MRE11: variants seen among roughly 807,000 people sequenced by gnomAD.
The protein encoded by MRE11 is MRE11 double strand break repair nuclease.
MRE11 carries 62 observed loss-of-function variants against 91.7 expected under a neutral mutation model. That is an observed-to-expected ratio of 0.68 (90% CI 0.55 to 0.84). The LOEUF (loss-of-function observed/expected upper bound fraction) is 0.84. Among genes scored for constraint, MRE11 ranks in the 40% least tolerant of loss-of-function variants. The pLI is 0.00. For missense variants in MRE11, 796 were observed against 852.9 expected (o/e 0.93, Z 0.83); for synonymous variants, 273 against 271.4 (o/e 1.01, Z -0.06).
intron 19 of MRE11, among the ~76,000 whole-genome samples, chr11:94,424,055 T>C (rs1945243663): frequency 6.6e-6 from 1 of 152,120 alleles, no homozygotes; most frequent in African/African-American, 2.4e-5. Context: ...ACAGTGCCAG[T>C]GATAGGAGGG....
intron 3 of MRE11, among the ~76,000 whole-genome samples, chr11:94,488,902 C>T (rs1266138373): frequency 6.6e-6 from 1 of 152,038 alleles, no homozygotes; most frequent in Non-Finnish European, 1.5e-5. Context: ...TATGAGTTTA[C>T]CTATGTAACA....
At chr11:94,479,376 A>G (rs890621461) in intron 5 of MRE11, among the ~76,000 whole-genome samples, 5 of 152,210 alleles carry the variant, frequency 3.3e-5, no homozygotes, top group Non-Finnish European at 7.3e-5. Flanking sequence ...AGATAGTTAT[A>G]AAAACACTGA....
At chr11:94,500,250 G>C in the MRE11 span, among the ~76,000 whole-genome samples, 1 of 152,188 alleles carries the variant, frequency 6.6e-6, no homozygotes, top group African/African-American at 2.4e-5. Context: ...TTCCATTAAA[G>C]TATGGAGCCA....
At position 94,459,588 on chromosome 11, in the gene MRE11, G is replaced by T. The variant is rs756302433; in HGVS notation, c.1327-7C>A. On this transcript the variant is annotated splice_region_variant and splice_polypyrimidine_tract_variant and intron_variant, in intron 12 of 19. Coordinates refer to ENST00000323929, the MANE Select transcript of MRE11 (RefSeq NM_005591.4). ...GCAGTGAGAGCTGCACATTCTGTAAGATACAAATCACTGGATGCAGAAATA... is the reference window on the plus strand; with the variant it reads ...GCAGTGAGAGCTGCACATTCTGTAATATACAAATCACTGGATGCAGAAATA... 1.9e-6 allele frequency: 3 copies of T among 1,612,758 alleles called. No homozygotes were observed. The highest frequency in any genetic ancestry group is 2.5e-6 in the Non-Finnish European group (3 of 1,178,946).
chr11:94,507,850 T>C, the MRE11 span, among the ~76,000 whole-genome samples: 2 of 152,220 alleles, frequency 1.3e-5, no homozygotes, highest in African/African-American at 4.8e-5. Flanking sequence ...TTCCTATTTT[T>C]AGAAGTTCTT....
In MRE11 at chr11:94,437,184, T is replaced by A; in HGVS notation, c.1919A>T (p.Tyr640Phe). The A allele has an allele frequency of 6.2e-7, 1 of 1,612,478 alleles. No individual in the cohort carries two copies. Among genetic ancestry groups the A allele is most frequent in the South Asian group, 1.1e-5 (1 of 90,718 alleles). ...QPSRNVTTKN[Y>F]SEVIEVDESD... ...TAAAACTTTTTTTCTTACCTCTGAA[T>A]AATTCTTAGTAGTGACATTTCGGGA... Residue 640 changes from tyrosine to phenylalanine, a missense_variant, in exon 17 of 20, where the codon TAT (tyrosine) becomes TTT (phenylalanine). Transcript: ENST00000323929.
chr11:94,488,868 T>C (rs1430317779), intron 3 of MRE11, among the ~76,000 whole-genome samples: 1 of 152,088 alleles, frequency 6.6e-6, no homozygotes, highest in African/African-American at 2.4e-5. Flanking sequence ...GGTGCCAAAA[T>C]AATCTGTACA....
At chr11:94,461,445 T>C (rs576804508) in intron 11 of MRE11, among the ~76,000 whole-genome samples, 1 of 152,266 alleles carries the variant, frequency 6.6e-6, no homozygotes, top group Admixed American at 6.5e-5. Context: ...GACGTCAAGG[T>C]AGTTCGGTAT....
chr11:94,420,267 AG>A (rs1308553095), intron 19 of MRE11, 86 bp from the exon 20 acceptor site: 1 of 1,030,556 alleles, frequency 9.7e-7, no homozygotes, highest in Non-Finnish European at 1.5e-6. Context: ...AAACAATACC[AG>A]TGAGAGTCAT....
chr11:94,507,690 T>G, the MRE11 span, among the ~76,000 whole-genome samples: 62 of 152,362 alleles, frequency 4.1e-4, no homozygotes, highest in East Asian at 0.012. Context: ...AGTGGGCATG[T>G]AGTAATAGCT....
At chr11:94,437,040 T>A in intron 17 of MRE11, 137 bp downstream of exon 17, 1 of 703,766 alleles carries the variant, frequency 1.4e-6, no homozygotes, top group Non-Finnish European at 2.3e-6. Flanking sequence ...GCCCTAGAGA[T>A]AATTGGTAAA....
At chr11:94,478,133 T>C (rs1035865384) in intron 6 of MRE11, among the ~76,000 whole-genome samples, 1 of 152,104 alleles carries the variant, frequency 6.6e-6, no homozygotes, top group African/African-American at 2.4e-5. Flanking sequence ...AATGGATGAC[T>C]GGAGAGATGT....
At chr11:94,433,713 T>C (rs1055888353) in intron 18 of MRE11, among the ~76,000 whole-genome samples, 1 of 152,214 alleles carries the variant, frequency 6.6e-6, no homozygotes, top group East Asian at 1.9e-4. Flanking sequence ...CCTTCTGCCA[T>C]GATTATGAGG....
chr11:94,489,551 G>A (rs1018540606), intron 3 of MRE11, among the ~76,000 whole-genome samples: 2 of 149,040 alleles, frequency 1.3e-5, no homozygotes, highest in African/African-American at 5.0e-5. Flanking sequence ...AAGATGGAAG[G>A]GGACCTCCTG....
intron 14 of MRE11, among the ~76,000 whole-genome samples, chr11:94,448,710 G>T (rs947525602): frequency 2.0e-5 from 3 of 151,924 alleles, no homozygotes; most frequent in Admixed American, 2.0e-4. Context: ...AACATGCCAC[G>T]CATTTTTAAT....
intron 9 of MRE11, among the ~76,000 whole-genome samples, chr11:94,469,505 T>C (rs145682614): frequency 3.3e-5 from 5 of 152,262 alleles, no homozygotes; most frequent in African/African-American, 7.2e-5. Flanking sequence ...GCATTTTCTA[T>C]CTCTTTGGCT....
intron 19 of MRE11, among the ~76,000 whole-genome samples, chr11:94,421,527 A>G (rs1378692824): frequency 6.6e-6 from 1 of 152,270 alleles, no homozygotes; most frequent in Non-Finnish European, 1.5e-5. Flanking sequence ...TTTTAACTGT[A>G]ACATATAACC....
the MRE11 span, among the ~76,000 whole-genome samples, chr11:94,504,724 A>G: frequency 1.3e-5 from 2 of 152,230 alleles, no homozygotes; most frequent in Non-Finnish European, 2.9e-5. Flanking sequence ...ATTTCTTGAG[A>G]CCTGTTTTAG....
chr11:94,496,147 C>T (rs1263365560), upstream of MRE11, among the ~76,000 whole-genome samples: 1 of 152,076 alleles, frequency 6.6e-6, no homozygotes, highest in Admixed American at 6.6e-5. Context: ...GAACAGATGT[C>T]CTTTTGGGGG....
Sources: allele counts gnomAD v4.1 joint callset (sites outside exome capture counted in the v4.1 genomes callset), GRCh38; gene constraint gnomAD v4.1.1; transcripts MANE v1.5; gene names NCBI Gene and HGNC (gene_info 2026-07-23, HGNC 2026-07-21).